Variants in CDAN1 observed in about 807,000 individuals in gnomAD.
CDAN1 encodes the protein codanin 1, also known as codanin-1.
Under a neutral mutation model 139.8 loss-of-function variants are expected in CDAN1, and 107 were observed. That is an observed-to-expected ratio of 0.77 (90% CI 0.65 to 0.90). CDAN1 has a LOEUF of 0.90. Ranked by LOEUF, CDAN1 falls within the 40% of genes least tolerant of loss-of-function variation. The pLI, the probability that CDAN1 is intolerant of heterozygous loss-of-function variation, is 0.00. For missense variants in CDAN1, 1,667 were observed against 1,575.7 expected (o/e 1.06, Z -0.98); for synonymous variants, 776 against 660.6 (o/e 1.17, Z -2.68).
intron 11 of CDAN1, 23 bp downstream of exon 11, chr15:42,731,597 T>C (rs1350729305): frequency 1.2e-6 from 2 of 1,612,464 alleles, no homozygotes; most frequent in South Asian, 2.2e-5. Flanking sequence ...GCCCCATTCC[T>C]TGCAAGACAC....
At position 42,735,680 on chromosome 15, in the gene CDAN1, C is replaced by A. The variant is rs974619200; in HGVS notation, c.774-1G>T. On this transcript the variant is annotated splice_acceptor_variant, in intron 3 of 27. Coordinates refer to ENST00000356231, the MANE Select transcript of CDAN1 (RefSeq NM_138477.4). LOFTEE classifies it high-confidence loss of function. Reference sequence around the variant, plus strand: ...AGGTGACTGCTGCAGCTGCTTAGAGCTATGGAATAAAGAAATTTCATGAGC... The same window carrying A: ...AGGTGACTGCTGCAGCTGCTTAGAGATATGGAATAAAGAAATTTCATGAGC... 3.1e-6 allele frequency: 5 copies of A among 1,613,796 alleles called. No individual in the cohort carries two copies. Among genetic ancestry groups the A allele is most frequent in the Non-Finnish European group, 4.2e-6 (5 of 1,179,998 alleles).
rs745554922 is a variant in CDAN1 at position 42,725,495 on chromosome 15, T to C, written c.3444A>G (p.Pro1148=). The C allele has an allele frequency of 6.2e-7, 1 of 1,614,162 alleles. No individual in the cohort carries two copies. The highest frequency in any genetic ancestry group is 2.2e-5 in the East Asian group (1 of 44,876). Residue 1148 remains proline (P), a synonymous_variant, in exon 26 of 28, where the codon CCA becomes CCG. Transcript: ENST00000356231. The part of the protein sequence containing the change: ...RNVGLLADTR[P]REWDLLLFLL... ...CTTGTTCCGTCTGACTCACCTCCCT[T>C]GGCCTTGTGTCTGCCAGAAGCCCCA...
At chr15:42,735,463 T>G in intron 4 of CDAN1, 47 bp downstream of exon 4, 1 of 1,609,880 alleles carries the variant, frequency 6.2e-7, no homozygotes, top group Non-Finnish European at 8.5e-7. Context: ...CTCTTACCCA[T>G]AAGTTCTACA....
In CDAN1 at chr15:42,728,043, A is replaced by C; in HGVS notation, c.2869-10T>G. 1 of 1,613,570 alleles carries C rather than the reference A, an allele frequency of 6.2e-7. No homozygotes were observed. The highest frequency in any genetic ancestry group is 8.5e-7 in the Non-Finnish European group (1 of 1,179,654). ...CTGCACTGCTCAGAACCTGCGAAAC[A>C]GAACTACAGAGTCAGGGGCTAGGGG... is the stretch of plus-strand genomic sequence containing the variant. On this transcript the variant is annotated splice_polypyrimidine_tract_variant and intron_variant, in intron 21 of 27. Coordinates refer to ENST00000356231, the MANE Select transcript of CDAN1 (RefSeq NM_138477.4).
intron 22 of CDAN1, 64 bp from the exon 23 acceptor site, chr15:42,727,833 A>G (rs1343488313): frequency 2.5e-6 from 4 of 1,610,956 alleles, no homozygotes; most frequent in Non-Finnish European, 3.4e-6. Flanking sequence ...TCACCATGCT[A>G]ACCCATGCCT....
intron 11 of CDAN1, 51 bp downstream of exon 11, chr15:42,731,569 A>G (rs1225961408): frequency 6.3e-7 from 1 of 1,598,150 alleles, no homozygotes; most frequent in Non-Finnish European, 8.6e-7. Flanking sequence ...TTGGGAAGCC[A>G]AACCTTTCCT....
At chr15:42,725,312 G>A in intron 26 of CDAN1, 61 bp from the exon 27 acceptor site, 1 of 1,539,594 alleles carries the variant, frequency 6.5e-7, no homozygotes, top group Non-Finnish European at 9.0e-7. Context: ...TGATGACAGA[G>A]ATTGAGATCT....
At chr15:42,725,739 T>G in intron 25 of CDAN1, 69 bp from the exon 26 acceptor site, 1 of 1,512,324 alleles carries the variant, frequency 6.6e-7, no homozygotes, top group Non-Finnish European at 9.1e-7. Flanking sequence ...ACACCTATAA[T>G]CCCAACACTT....
chr15:42,734,380 G>C (rs1379620274), intron 6 of CDAN1, 34 bp from the exon 7 acceptor site: 3 of 1,613,316 alleles, frequency 1.9e-6, no homozygotes, highest in Non-Finnish European at 1.7e-6. Context: ...ACTGAGACCA[G>C]AACACAGACT....
intron 20 of CDAN1, 98 bp from the exon 21 acceptor site, chr15:42,728,365 G>A (rs1215314127): frequency 3.6e-6 from 5 of 1,393,718 alleles, no homozygotes; most frequent in African/African-American, 2.8e-5. Flanking sequence ...CTGGGAGGCT[G>A]TACCTTGGAA....
chr15:42,730,729 C>T lies in CDAN1; in HGVS notation c.2043G>A (p.Gln681=). Residue 681 remains glutamine (Q), a synonymous_variant, in exon 14 of 28, where the codon CAG becomes CAA. Transcript: ENST00000356231. The stretch of plus-strand genomic sequence containing the variant: ...CCGCCCGGCGGGCCTGCAGCCCTCG[C>T]TGCAGCAGAGTCCGCACATCCAGGA... ...PPVLDVRTLL[Q]RGLQARRAVL... 1.2e-6 allele frequency: 2 copies of T among 1,612,894 alleles called. No homozygotes were observed. Among genetic ancestry groups the T allele is most frequent in the Non-Finnish European group, 1.7e-6 (2 of 1,179,410 alleles).
In CDAN1 at chr15:42,729,279, T is replaced by G. The variant is rs200256582; in HGVS notation, c.2491A>C (p.Thr831Pro). The G allele has an allele frequency of 3.9e-5, 63 of 1,612,636 alleles. 1 individual carries two copies. The Admixed American group carries it at 8.7e-4, about 22-fold the overall frequency. The change falls in exon 18 of 28, where the codon ACT becomes CCT. Residue 831 changes from threonine (T) to proline (P), a missense_variant. By Grantham distance (38) the Thr-to-Pro change is conservative. Coordinates refer to ENST00000356231, the MANE Select transcript of CDAN1 (RefSeq NM_138477.4). ...GGCTGGGCTCCCAGGCTGGTGGTAGTGGTGGGGGTGATTTTCCTCATGAAG... is the reference window on the plus strand; with the variant it reads ...GGCTGGGCTCCCAGGCTGGTGGTAGGGGTGGGGGTGATTTTCCTCATGAAG... ...GGFMRKITPT[T>P]TTSLGAQPSQ...
chr15:42,732,275 G>A (rs1183919523), intron 10 of CDAN1, 58 bp downstream of exon 10: 4 of 1,501,082 alleles, frequency 2.7e-6, no homozygotes, highest in Non-Finnish European at 3.7e-6. Context: ...CAGCCGTTAA[G>A]TGGCTGCCTG....
At chr15:42,734,852 T>C (rs1413207054) in intron 6 of CDAN1, among the ~76,000 whole-genome samples, 1 of 145,998 alleles carries the variant, frequency 6.8e-6, no homozygotes, top group Non-Finnish European at 1.5e-5. Context: ...CTCCTGGGCC[T>C]AAGTCACTGT....
chr15:42,724,997 C>T, intron 27 of CDAN1, 147 bp downstream of exon 27: 1 of 734,402 alleles, frequency 1.4e-6, no homozygotes, highest in Admixed American at 2.0e-5. Context: ...CATATAATAA[C>T]TACTCAAATC....
rs772668700 is a variant in CDAN1 at position 42,729,254 on chromosome 15, G to A, written c.2516C>T (p.Pro839Leu). The change falls in exon 18 of 28, where the codon CCT becomes CTT. Residue 839 changes from proline (P) to leucine (L), a missense_variant. By Grantham distance (98) the Pro-to-Leu change is moderately conservative (BLOSUM62 -3). Transcript: ENST00000356231. ...CTGCAGCCCCTGGCTGGTCTGGGAA[G>A]GCTGGGCTCCCAGGCTGGTGGTAGT... ...PTTTTSLGAQ[P>L]SQTSQGLQAQ... The A allele has an allele frequency of 6.8e-6, 11 of 1,613,602 alleles. No homozygotes were observed. The Admixed American group carries it at 1.8e-4, about 27-fold the overall frequency.
chr15:42,725,055 A>C, intron 27 of CDAN1, 89 bp downstream of exon 27: 1 of 1,071,386 alleles, frequency 9.3e-7, no homozygotes, highest in South Asian at 1.3e-5. Flanking sequence ...AAATCCACTT[A>C]GTTTGGCCCC....
intron 8 of CDAN1, 79 bp from the exon 9 acceptor site, chr15:42,733,265 GCCCA>G: frequency 8.5e-7 from 1 of 1,181,420 alleles, no homozygotes; most frequent in African/African-American, 1.5e-5. Flanking sequence ...ACTATCCGTA[GCCCA>G]CCCACCACCT....
At chr15:42,733,846 G>T in intron 8 of CDAN1, 92 bp downstream of exon 8, 1 of 965,370 alleles carries the variant, frequency 1.0e-6, no homozygotes, top group Non-Finnish European at 1.6e-6. Context: ...ACCTGTTGGT[G>T]CCAAACTCCT....
Sources: gnomAD v4.1 joint callset for allele counts (sites outside exome capture counted in the v4.1 genomes callset) on GRCh38, gnomAD v4.1.1 for gene constraint, MANE v1.5 for transcripts, NCBI Gene and HGNC (gene_info 2026-07-23, HGNC 2026-07-21) for gene names.